The following ADGB variants were observed in gnomAD, a reference collection of about 807,000 sequenced individuals.
ADGB encodes androglobin.
Under a neutral mutation model 210.5 loss-of-function variants are expected in ADGB, and 172 were observed. The ratio of observed to expected loss-of-function variants is 0.82; its 90% CI spans 0.72 to 0.93. ADGB has a LOEUF of 0.93. Among genes scored for constraint, ADGB ranks in the 40% least tolerant of loss-of-function variants. The probability of loss-of-function intolerance (pLI) is 0.00; values close to 1 mark genes in which losing one functional copy is unlikely to be tolerated. For missense variants in ADGB, 2,025 were observed against 1,964.8 expected (o/e 1.03, Z -0.58); for synonymous variants, 658 against 662.7 (o/e 0.99, Z 0.11).
intron 33 of ADGB, among the ~76,000 whole-genome samples, chr6:146,791,354 T>C (rs1315046993): frequency 6.6e-6 from 1 of 152,196 alleles, no homozygotes; most frequent in Non-Finnish European, 1.5e-5. Context: ...TATTTTTAGT[T>C]GATCATTTTT....
chr6:146,661,220 C>CTTTTTT (rs5880682), intron 5 of ADGB, among the ~76,000 whole-genome samples: 20 of 116,014 alleles, frequency 1.7e-4, no homozygotes, highest in South Asian at 2.9e-4. Context: ...TTCTTTTTTT[C>CTTTTTT]TTTTTTTTTT....
At chr6:146,600,411 TC>T in intron 1 of ADGB, 1 of 208,978 alleles carries the variant, frequency 4.8e-6, no homozygotes, top group Non-Finnish European at 1.0e-5. Flanking sequence ...TTCTCTCCAC[TC>T]CCTGAGTCAT....
intron 5 of ADGB, among the ~76,000 whole-genome samples, chr6:146,657,924 C>A (rs1775807793): frequency 6.6e-6 from 1 of 152,286 alleles, no homozygotes; most frequent in South Asian, 2.1e-4. Flanking sequence ...CAGACACACA[C>A]TAAATTAGCA....
At chr6:146,741,307 T>C (rs1442567802) in intron 25 of ADGB, 36 bp downstream of exon 25, 2 of 1,544,982 alleles carry the variant, frequency 1.3e-6, no homozygotes, top group Middle Eastern at 1.7e-4. Flanking sequence ...TATGATAGAA[T>C]GGCAGTGAAA....
chr6:146,691,445 A>ATATATAAATAT (rs1419237911), intron 11 of ADGB, among the ~76,000 whole-genome samples, 155 bp downstream of exon 11: 13 of 16,440 alleles, frequency 7.9e-4, no homozygotes, highest in African/African-American at 3.5e-3. Context: ...TATATATAAA[A>ATATATAAATAT]ATATATATAT....
intron 29 of ADGB, 52 bp from the exon 30 acceptor site, chr6:146,781,968 C>A: frequency 7.6e-7 from 1 of 1,311,212 alleles, no homozygotes; most frequent in East Asian, 2.9e-5. Flanking sequence ...CCTGTGAAAC[C>A]ATTTTATTGT....
intron 1 of ADGB, among the ~76,000 whole-genome samples, chr6:146,629,661 C>CA (rs900081999): frequency 3.3e-5 from 5 of 152,074 alleles, no homozygotes; most frequent in African/African-American, 1.2e-4. Flanking sequence ...TTTTGATGGA[C>CA]AAAATCACCA....
At chr6:146,772,339 CTAAAG>C (rs1214873113) in intron 29 of ADGB, among the ~76,000 whole-genome samples, 1 of 150,510 alleles carries the variant, frequency 6.6e-6, no homozygotes, top group Non-Finnish European at 1.5e-5. Context: ...TCCCAATTCT[CTAAAG>C]TAAACTAATG....
At chr6:146,644,674 T>G in intron 2 of ADGB, 99 bp from the exon 3 acceptor site, 1 of 682,834 alleles carries the variant, frequency 1.5e-6, no homozygotes, top group Non-Finnish European at 2.3e-6. Context: ...AAAGGCTTAT[T>G]GATTGACCAA....
rs1311850265 is a variant in ADGB at position 146,769,054 on chromosome 6, A to G, written c.3785A>G (p.Tyr1262Cys). 7.2e-6 allele frequency: 11 copies of G among 1,530,692 alleles called. No individual in the cohort carries two copies. Among genetic ancestry groups the G allele is most frequent in the Admixed American group, 2.0e-5 (1 of 50,890 alleles). 94.8% of individuals were successfully genotyped at this position (1,530,692 alleles called of 1,614,324 possible). The change falls in exon 29 of 36, where the codon TAT (tyrosine) becomes TGT (cysteine). Residue 1262 changes from tyrosine (Y) to cysteine (C), a missense_variant. By Grantham distance (194) the Tyr-to-Cys change is radical. Coordinates refer to ENST00000397944, the MANE Select transcript of ADGB (RefSeq NM_024694.4). ...YKYIIQCSVL[Y>C]NSWPLTESQL... The stretch of plus-strand genomic sequence containing the variant: ...TATATTATACAGTGTTCGGTGTTGT[A>G]TAACAGTTGGCCTCTCACTGAAAGC...
intron 19 of ADGB, among the ~76,000 whole-genome samples, chr6:146,727,054 T>C (rs1583609011): frequency 6.6e-6 from 1 of 152,110 alleles, no homozygotes; most frequent in South Asian, 2.1e-4. Context: ...GGGACCAGTA[T>C]GTCCCCTAAA....
chr6:146,644,833 T>G lies in ADGB; in HGVS notation c.298T>G (p.Trp100Gly). The G allele has an allele frequency of 6.7e-7, 1 of 1,492,866 alleles. No homozygotes were observed. Among genetic ancestry groups the G allele is most frequent in the Non-Finnish European group, 8.9e-7 (1 of 1,120,808 alleles). 92.5% of individuals were successfully genotyped at this position (1,492,866 alleles called of 1,614,324 possible). A position where few individuals can be genotyped will look rare whatever the true frequency, so the allele number is the denominator to read the frequency against. ...ELPPSLKIYS[W>G]KRPQDILFSQ... is the part of the protein sequence containing the mutation. ...ACCACCATCCTTGAAAATTTATTCC[T>G]GGAAACGTCCACAAGATATTTTATT... The change falls in exon 3 of 36, where the codon TGG becomes GGG. Residue 100 changes from tryptophan (W) to glycine (G), a missense_variant. Trp to Gly is a radical substitution (Grantham distance 184, BLOSUM62 -2). Transcript: ENST00000397944.
intron 13 of ADGB, among the ~76,000 whole-genome samples, chr6:146,711,735 A>G (rs1776659569): frequency 6.6e-6 from 1 of 152,164 alleles, no homozygotes; most frequent in Admixed American, 6.5e-5. Context: ...CTTGATTTAA[A>G]GATGACATTC....
chr6:146,670,126 A>T (rs1044545671), intron 7 of ADGB, among the ~76,000 whole-genome samples: 1 of 152,140 alleles, frequency 6.6e-6, no homozygotes, highest in Non-Finnish European at 1.5e-5. Context: ...CACTGATCAC[A>T]TGTAATAGAC....
rs200085730 is a variant in ADGB, at chr6:146,780,511, CATAAAA to C, written c.3863-1507_3863-1502del. Among the ~76,000 whole-genome samples the C allele has an allele frequency of 3.7e-3, 565 of 151,734 alleles. 13 individuals are homozygous for C. Among genetic ancestry groups the C allele is most frequent in the Admixed American group, 0.032 (493 of 15,250 alleles). ...AGCAAAAATATGGAAAAAACAATAC[CATAAAA>C]AGAATAACCAAAAGAGACCTGGAGT... On this transcript the variant is annotated intron_variant, in intron 29 of 35. Transcript: ENST00000397944.
At chr6:146,813,449 A>AG (rs201776461) in intron 35 of ADGB, among the ~76,000 whole-genome samples, 50,882 of 151,418 alleles carry the variant, frequency 0.34, 8,988 homozygotes, top group East Asian at 0.67. Context: ...CTACAGATGC[A>AG]GAAATTTTTT....
At chr6:146,808,045 G>A (rs754155545) in intron 35 of ADGB, among the ~76,000 whole-genome samples, 25 of 141,900 alleles carry the variant, frequency 1.8e-4, no homozygotes, top group Non-Finnish European at 3.4e-4. Flanking sequence ...TGTTGCCCAG[G>A]CTGGAGTGCA....
intron 13 of ADGB, among the ~76,000 whole-genome samples, chr6:146,705,009 A>G (rs1489352105): frequency 5.3e-5 from 8 of 151,982 alleles, no homozygotes; most frequent in East Asian, 3.9e-4. Flanking sequence ...TATTTCATCA[A>G]TGTTTTATTT....
intron 2 of ADGB, among the ~76,000 whole-genome samples, chr6:146,637,881 CA>C: frequency 1.3e-5 from 2 of 152,116 alleles, no homozygotes; most frequent in East Asian, 3.9e-4. Context: ...CTCCCCAACT[CA>C]TTCCATGAGA....
Sources: gnomAD v4.1 joint callset for allele counts (sites outside exome capture counted in the v4.1 genomes callset) on GRCh38, gnomAD v4.1.1 for gene constraint, MANE v1.5 for transcripts, NCBI Gene and HGNC (gene_info 2026-07-23, HGNC 2026-07-21) for gene names.